Variants in ST18 observed in about 807,000 individuals in gnomAD.
ST18 encodes suppression of tumorigenicity 18 protein.
ST18 carries 50 observed loss-of-function variants against 110.0 expected under a neutral mutation model. That is an observed-to-expected ratio of 0.45 (90% CI 0.36 to 0.58). The LOEUF is 0.58. ST18 is among the 20% of genes least tolerant of loss of function. The pLI, the probability that ST18 is intolerant of heterozygous loss-of-function variation, is 0.00. For missense variants in ST18, 1,306 were observed against 1,280.1 expected, an observed-to-expected ratio of 1.02 and a Z score of -0.31; for synonymous variants, 461 against 452.4, an observed-to-expected ratio of 1.02 and a Z score of -0.24.
At chr8:52,273,728 A>G (rs2095149708) in intron 2 of ST18, among the ~76,000 whole-genome samples, 2 of 152,216 alleles carry the variant, frequency 1.3e-5, no homozygotes. Flanking sequence ...TTGAGTCCCC[A>G]GTTAGATGAC....
chr8:52,149,378 G>A (rs1393936361), intron 16 of ST18, among the ~76,000 whole-genome samples: 1 of 152,202 alleles, frequency 6.6e-6, no homozygotes, highest in Non-Finnish European at 1.5e-5. Context: ...TCAACCCTCT[G>A]GTTCAGAAAG....
chr8:52,115,660 T>C (rs968352273), intron 25 of ST18, among the ~76,000 whole-genome samples: 2 of 152,190 alleles, frequency 1.3e-5, no homozygotes, highest in Non-Finnish European at 2.9e-5. Flanking sequence ...CTGTATGATG[T>C]TCACACAACA....
At chr8:52,235,045 T>G (rs945523072) in intron 2 of ST18, among the ~76,000 whole-genome samples, 2 of 151,882 alleles carry the variant, frequency 1.3e-5, no homozygotes, top group Non-Finnish European at 2.9e-5. Flanking sequence ...TGCACCAAAA[T>G]CTCACAAATC....
intron 2 of ST18, among the ~76,000 whole-genome samples, chr8:52,319,494 G>GT (rs1802935960): frequency 6.6e-6 from 1 of 151,998 alleles, no homozygotes; most frequent in Non-Finnish European, 1.5e-5. Context: ...TCTATAATAT[G>GT]TTTCTCTTTT....
intron 2 of ST18, among the ~76,000 whole-genome samples, chr8:52,322,314 C>T (rs1279705715): frequency 2.0e-5 from 3 of 152,130 alleles, no homozygotes; most frequent in African/African-American, 7.2e-5. Context: ...TAGATCTCTC[C>T]TTCCCTTTAT....
chr8:52,174,798 A>C (rs981867947), intron 9 of ST18, among the ~76,000 whole-genome samples: 2 of 152,126 alleles, frequency 1.3e-5, no homozygotes, highest in Admixed American at 6.5e-5. Flanking sequence ...GTTTCTAGGG[A>C]TGTTCTGCAA....
At chr8:52,286,901 A>C (rs941252366) in intron 2 of ST18, among the ~76,000 whole-genome samples, 1 of 151,986 alleles carries the variant, frequency 6.6e-6, no homozygotes, top group Admixed American at 6.6e-5. Flanking sequence ...GTGGCTTGGA[A>C]GTCTGTGATT....
intron 2 of ST18, among the ~76,000 whole-genome samples, chr8:52,355,157 G>A (rs988909483): frequency 4.6e-5 from 7 of 152,128 alleles, no homozygotes; most frequent in Non-Finnish European, 7.3e-5. Flanking sequence ...CTAGACTTGG[G>A]CAAGACTTAG....
In ST18 at chr8:52,312,973, C is replaced by T. The variant is rs372128955; in HGVS notation, c.-464-82896G>A. ...TTTATGCATGTTTGGTACCACAGGA[C>T]GCCAAGTATCTATGTGTCCTAAACA... On this transcript the variant is annotated intron_variant, in intron 2 of 25. Coordinates refer to ENST00000689386, the MANE Select transcript of ST18 (RefSeq NM_001352837.2). 1.3e-3 allele frequency among the ~76,000 whole-genome samples: 202 copies of T among 152,260 alleles called. 2 individuals carry two copies. In the South Asian group the frequency reaches 0.039, roughly 29 times the overall value.
chr8:52,278,310 T>A (rs1267343325), intron 2 of ST18, among the ~76,000 whole-genome samples: 6 of 152,222 alleles, frequency 3.9e-5, no homozygotes, highest in Admixed American at 3.3e-4. Context: ...GGAGAGTCAA[T>A]GGTGTAAAAA....
intron 8 of ST18, among the ~76,000 whole-genome samples, chr8:52,196,205 C>A (rs908507586): frequency 1.3e-5 from 2 of 152,170 alleles, no homozygotes; most frequent in Admixed American, 6.5e-5. Context: ...TCCCACCTGC[C>A]TAGGCTGGGT....
Position 52,164,041 on chromosome 8 carries a change from C to A in ST18, c.1345G>T (p.Asp449Tyr). The A allele has an allele frequency of 6.2e-7, 1 of 1,614,158 alleles. No individual in the cohort carries two copies. ...AAAEKLAMSQ[D>Y]KNQLDSPQTG... ...TGGGGAGAATCAAGCTGATTTTTAT[C>A]CTGGGACATTGCCAATTTTTCAGCT... Residue 449 changes from aspartate (D) to tyrosine (Y), a missense_variant, in exon 13 of 26, where the codon GAT becomes TAT. Coordinates refer to ENST00000689386, the MANE Select transcript of ST18 (RefSeq NM_001352837.2).
intron 2 of ST18, among the ~76,000 whole-genome samples, chr8:52,270,904 A>G (rs991570525): frequency 6.6e-6 from 1 of 150,642 alleles, no homozygotes; most frequent in African/African-American, 2.5e-5. Flanking sequence ...AAGTGGTTAT[A>G]AGTTTTGTTT....
intron 23 of ST18, among the ~76,000 whole-genome samples, chr8:52,124,936 T>C (rs1271732731): frequency 6.6e-6 from 1 of 152,168 alleles, no homozygotes; most frequent in Non-Finnish European, 1.5e-5. Context: ...TGAGCAATGC[T>C]TTCAGGGAAA....
chr8:52,267,437 A>T (rs2138797794), intron 2 of ST18, among the ~76,000 whole-genome samples: 1 of 150,442 alleles, frequency 6.6e-6, no homozygotes, highest in Middle Eastern at 3.5e-3. Flanking sequence ...TGAAAGTAGC[A>T]ATGGGGAGCA....
intron 2 of ST18, among the ~76,000 whole-genome samples, chr8:52,248,308 CA>C (rs1253245513): frequency 4.6e-5 from 7 of 152,142 alleles, no homozygotes; most frequent in Admixed American, 1.3e-4. Flanking sequence ...CATTAAATGA[CA>C]GTGGCTTTAA....
intron 8 of ST18, among the ~76,000 whole-genome samples, chr8:52,210,514 CG>C (rs1353664019): frequency 6.6e-6 from 1 of 151,664 alleles, no homozygotes; most frequent in East Asian, 1.9e-4. Context: ...AAAAATTAGC[CG>C]GGTGTGGTGG....
At position 52,352,845 on chromosome 8, in the gene ST18, C is replaced by T. The variant is rs531295721; in HGVS notation, c.-465+56483G>A. ...GCTGAGTTACCACCTATATACCAGG[C>T]AGTATGTATTTAAAATTCCTCATTT... On this transcript the variant is annotated intron_variant, in intron 2 of 25. Coordinates refer to ENST00000689386, the MANE Select transcript of ST18 (RefSeq NM_001352837.2). 2.0e-5 allele frequency among the ~76,000 whole-genome samples: 3 copies of T among 152,288 alleles called. No individual in the cohort carries two copies. In the South Asian group the frequency reaches 6.2e-4, roughly 32 times the overall value.
intron 2 of ST18, among the ~76,000 whole-genome samples, chr8:52,275,210 C>T (rs1256506071): frequency 6.6e-6 from 1 of 151,972 alleles, no homozygotes; most frequent in Non-Finnish European, 1.5e-5. Flanking sequence ...TAAAAATAAA[C>T]CTTAACTATT....
Sources: gnomAD v4.1 joint callset for allele counts (sites outside exome capture counted in the v4.1 genomes callset) on GRCh38, gnomAD v4.1.1 for gene constraint, MANE v1.5 for transcripts, NCBI Gene and HGNC (gene_info 2026-07-23, HGNC 2026-07-21) for gene names.